The following TEX36 variants were observed in gnomAD, a reference collection of about 807,000 sequenced individuals.
TEX36 encodes testis expressed 36, also known as testis-expressed protein 36.
TEX36 carries 12 observed loss-of-function variants against 13.6 expected under a neutral mutation model. That is an observed-to-expected ratio of 0.88 (90% CI 0.56 to 1.43). The LOEUF (loss-of-function observed/expected upper bound fraction) is 1.43, where lower values mean the gene tolerates loss of function less well. Among genes scored for constraint, TEX36 ranks in the 40% most tolerant of loss-of-function variants. TEX36 has a pLI of 0.00. For missense variants in TEX36, 224 were observed against 228.3 expected, an observed-to-expected ratio of 0.98 and a Z score of 0.12; for synonymous variants, 93 against 83.0, an observed-to-expected ratio of 1.12 and a Z score of -0.65.
intron 1 of TEX36, 146 bp from the exon 2 acceptor site, chr10:125,662,123 A>G: frequency 8.6e-7 from 1 of 1,167,738 alleles, no homozygotes; most frequent in Non-Finnish European, 1.2e-6. Context: ...GTAATTTTCA[A>G]GTATTCTTTC....
At chr10:125,578,865 C>G (rs1398276819) in intron 3 of TEX36, among the ~76,000 whole-genome samples, 4 of 152,196 alleles carry the variant, frequency 2.6e-5, no homozygotes, top group African/African-American at 9.7e-5. Flanking sequence ...CCAAAACCCT[C>G]ATTTGCAGCC....
downstream of TEX36, among the ~76,000 whole-genome samples, chr10:125,616,695 T>C (rs562995663): frequency 1.7e-3 from 199 of 118,478 alleles, 2 homozygotes; most frequent in African/African-American, 6.1e-3. Context: ...GAGGAGAGCT[T>C]TACTTCCAAG....
At chr10:125,667,451 T>G (rs1320408175) in intron 1 of TEX36, 3 of 704,964 alleles carry the variant, frequency 4.3e-6, no homozygotes, top group Non-Finnish European at 5.4e-6. Context: ...GACGTTGGTA[T>G]TTTCCATGAC....
intron 1 of TEX36, among the ~76,000 whole-genome samples, chr10:125,673,344 A>C (rs1023961552): frequency 1.3e-5 from 2 of 152,148 alleles, no homozygotes; most frequent in African/African-American, 4.8e-5. Context: ...TTGTCTGAAA[A>C]GGATTTTATT....
At chr10:125,656,523 G>A (rs1409041260) in intron 3 of TEX36, among the ~76,000 whole-genome samples, 6 of 151,986 alleles carry the variant, frequency 3.9e-5, no homozygotes, top group African/African-American at 9.7e-5. Flanking sequence ...CTCCCAAAGC[G>A]CTAGGATTAC....
At chr10:125,639,686 A>G (rs1299126098) in intron 3 of TEX36, among the ~76,000 whole-genome samples, 1 of 152,234 alleles carries the variant, frequency 6.6e-6, no homozygotes, top group Non-Finnish European at 1.5e-5. Context: ...TCAGTTGGCA[A>G]ACATGATTGC....
chr10:125,650,056 T>C (rs1846829857), intron 3 of TEX36, among the ~76,000 whole-genome samples: 1 of 152,192 alleles, frequency 6.6e-6, no homozygotes, highest in Non-Finnish European at 1.5e-5. Flanking sequence ...TGGGAGACTG[T>C]AACACCCCAC....
chr10:125,612,159 C>A (rs2133552087), intron 3 of TEX36, among the ~76,000 whole-genome samples: 1 of 150,434 alleles, frequency 6.6e-6, no homozygotes, highest in South Asian at 2.1e-4. Flanking sequence ...TCTTGGCTCA[C>A]TGCAACCTCC....
chr10:125,615,655 C>CT (rs1158934900), intron 3 of TEX36, among the ~76,000 whole-genome samples: 1 of 150,240 alleles, frequency 6.7e-6, no homozygotes, highest in East Asian at 1.9e-4. Flanking sequence ...GGTGGATAAG[C>CT]TTTTTGATGT....
intron 3 of TEX36, among the ~76,000 whole-genome samples, chr10:125,647,951 G>C (rs572090909): frequency 1.3e-5 from 2 of 152,322 alleles, no homozygotes; most frequent in Non-Finnish European, 2.9e-5. Flanking sequence ...CAGCAAGGCT[G>C]GGGGAGGGGC....
chr10:125,649,691 C>T (rs890942859), intron 3 of TEX36, among the ~76,000 whole-genome samples: 5 of 152,186 alleles, frequency 3.3e-5, no homozygotes, highest in African/African-American at 1.2e-4. Flanking sequence ...AATTAAAAGA[C>T]ACAGACTGGC....
intron 1 of TEX36, among the ~76,000 whole-genome samples, chr10:125,669,844 A>G (rs956492365): frequency 7.2e-5 from 11 of 152,130 alleles, no homozygotes; most frequent in African/African-American, 1.2e-4. Context: ...TGAGAACGTG[A>G]TAGTGTTTGG....
intron 1 of TEX36, among the ~76,000 whole-genome samples, chr10:125,668,310 A>AT (rs58817917): frequency 0.062 from 8,947 of 145,268 alleles, 832 homozygotes; most frequent in African/African-American, 0.2. Flanking sequence ...TTGTTGGGAG[A>AT]TTTTTTTTTT....
chr10:125,656,189 C>A lies in TEX36; in HGVS notation c.272G>T (p.Gly91Val). The A allele has an allele frequency of 6.7e-7, 1 of 1,499,774 alleles. No individual in the cohort carries two copies. 92.9% of individuals were successfully genotyped at this position (1,499,774 alleles called of 1,614,324 possible). The change falls in exon 4 of 4, where the codon GGA (glycine) becomes GTA (valine). Residue 91 changes from glycine to valine, a missense_variant. Gly to Val is a moderately radical substitution (Grantham distance 109). Coordinates refer to ENST00000368821, the MANE Select transcript of TEX36 (RefSeq NM_001128202.3). The stretch of plus-strand genomic sequence containing the variant: ...CTTATCTGGAGAGATCTTCTTACGT[C>A]CCAGGCCCTGGAGAGAAGAATTACA... The part of the protein sequence containing the change: ...NSGCYLDSGL[G>V]RKKISPDKRQ...
At chr10:125,658,945 A>G (rs922543527) in intron 3 of TEX36, among the ~76,000 whole-genome samples, 3 of 152,116 alleles carry the variant, frequency 2.0e-5, no homozygotes, top group African/African-American at 4.8e-5. Flanking sequence ...TAAACATTCA[A>G]CTGAAAACAA....
At chr10:125,587,817 A>G (rs1243160586) in intron 3 of TEX36, among the ~76,000 whole-genome samples, 1 of 150,036 alleles carries the variant, frequency 6.7e-6, no homozygotes, top group Non-Finnish European at 1.5e-5. Context: ...AAGACACTTT[A>G]TACACATGAA....
intron 1 of TEX36, among the ~76,000 whole-genome samples, chr10:125,681,441 C>G (rs577885375): frequency 6.6e-6 from 1 of 152,306 alleles, no homozygotes; most frequent in East Asian, 1.9e-4. Flanking sequence ...TTACATTTTT[C>G]TTTTCATGGG....
At chr10:125,618,770 C>T (rs942081561), downstream of TEX36, among the ~76,000 whole-genome samples, 6 of 151,844 alleles carry the variant, frequency 4.0e-5, no homozygotes, top group African/African-American at 9.7e-5. Flanking sequence ...CCAAGGGATA[C>T]TTAAACACTG....
At chr10:125,615,401 A>G (rs1485933133) in intron 3 of TEX36, among the ~76,000 whole-genome samples, 1 of 152,072 alleles carries the variant, frequency 6.6e-6, no homozygotes, top group South Asian at 2.1e-4. Flanking sequence ...CCCATTCAGT[A>G]TGATATTGGC....
Sources: allele counts gnomAD v4.1 joint callset (sites outside exome capture counted in the v4.1 genomes callset), GRCh38; gene constraint gnomAD v4.1.1; transcripts MANE v1.5; gene names NCBI Gene and HGNC (gene_info 2026-07-23, HGNC 2026-07-21).